ASPH: variants seen among roughly 807,000 people sequenced by gnomAD.
The protein encoded by ASPH is aspartate beta-hydroxylase.
ASPH carries 100 observed loss-of-function variants against 118.4 expected under a neutral mutation model. The ratio of observed to expected loss-of-function variants is 0.84; its 90% CI spans 0.72 to 1.00. The LOEUF is 1.00. Ranked by LOEUF, ASPH falls within the 50% of genes least tolerant of loss-of-function variation. ASPH has a pLI of 0.00. For synonymous variants in ASPH, 315 were observed against 325.6 expected (o/e 0.97, Z 0.35); for missense variants, 920 against 919.5 (o/e 1.00, Z -0.01).
chr8:61,659,495 C>T (rs17205360), intron 3 of ASPH: 1 of 152,058 alleles, frequency 6.6e-6, no homozygotes, highest in South Asian at 2.1e-4. Context: ...TAAATAGATA[C>T]ACAAAGTGAA....
rs1248810656 is a variant in ASPH at position 61,500,589 on chromosome 8, T to G, written c.*2770A>C. On this transcript the variant is annotated 3_prime_UTR_variant, in exon 25 of 25. Transcript: ENST00000379454. ...CAAAGGTCATTTTATTTACCTAGTC[T>G]CCTTAGAAATGGAGTCCCCAACTAC... 2 of 152,086 alleles carry G rather than the reference T, an allele frequency of 1.3e-5. No individual in the cohort carries two copies. Among genetic ancestry groups the G allele is most frequent in the Non-Finnish European group, 2.9e-5 (2 of 68,026 alleles). The allele number at this position is 152,086 out of a possible 1,614,324, so 9.4% of individuals were successfully genotyped here. A position where few individuals can be genotyped will look rare whatever the true frequency, so the allele number is the denominator to read the frequency against.
At chr8:61,698,224 G>A (rs945424056) in intron 1 of ASPH, among the ~76,000 whole-genome samples, 2 of 152,202 alleles carry the variant, frequency 1.3e-5, no homozygotes, top group African/African-American at 4.8e-5. Flanking sequence ...GACAGAAAAA[G>A]GCACAGAAAC....
chr8:61,615,563 T>C (rs1588123999), intron 14 of ASPH, among the ~76,000 whole-genome samples: 1 of 152,246 alleles, frequency 6.6e-6, no homozygotes, highest in South Asian at 2.1e-4. Context: ...GTACTCACTA[T>C]GTACTCAATA....
At chr8:61,626,200 T>C in intron 13 of ASPH, 1 of 1,434,670 alleles carries the variant, frequency 7.0e-7, no homozygotes. Context: ...TCACAAGATC[T>C]ATCACAGCCA....
intron 21 of ASPH, among the ~76,000 whole-genome samples, chr8:61,526,846 T>G (rs1586568086): frequency 6.6e-6 from 1 of 150,486 alleles, no homozygotes. Context: ...GAGTGGGAGG[T>G]GGGGGACAGT....
rs1393611319 is a variant in ASPH, at chr8:61,501,040, A to AAAG, written c.*2316_*2318dup. 6.6e-6 allele frequency: 1 copy of AAAG among 152,172 alleles called. No homozygotes were observed. Among genetic ancestry groups the AAAG allele is most frequent in the Non-Finnish European group, 1.5e-5 (1 of 68,020 alleles). 9.4% of individuals were successfully genotyped at this position (152,172 alleles called of 1,614,324 possible). Reference sequence around the variant, plus strand: ...TTTTATATTATACACTTGGAGAAATAAAGTTGAAACAGAATTAAAAATATT... The same window carrying AAAG: ...TTTTATATTATACACTTGGAGAAATAAAGAAGTTGAAACAGAATTAAAAATATT... On this transcript the variant is annotated 3_prime_UTR_variant, in exon 25 of 25. Coordinates refer to ENST00000379454, the MANE Select transcript of ASPH (RefSeq NM_004318.4).
chr8:61,685,880 T>C (rs916758190), intron 1 of ASPH, among the ~76,000 whole-genome samples: 21 of 151,992 alleles, frequency 1.4e-4, no homozygotes, highest in Admixed American at 1.4e-3. Flanking sequence ...GGGATTCTCC[T>C]GCTTCAGCCT....
chr8:61,604,306 G>C (rs1481243579), intron 14 of ASPH, among the ~76,000 whole-genome samples: 1 of 152,052 alleles, frequency 6.6e-6, no homozygotes, highest in Non-Finnish European at 1.5e-5. Context: ...TGGTAGTACA[G>C]AAAGAGAGAG....
At chr8:61,551,872 CT>C (rs1313878654) in intron 20 of ASPH, among the ~76,000 whole-genome samples, 1 of 152,190 alleles carries the variant, frequency 6.6e-6, no homozygotes, top group East Asian at 1.9e-4. Context: ...CCATCTTTCT[CT>C]TTAATTCTAA....
At chr8:61,599,908 C>T (rs1843481167) in intron 14 of ASPH, among the ~76,000 whole-genome samples, 2 of 152,134 alleles carry the variant, frequency 1.3e-5, no homozygotes, top group South Asian at 4.1e-4. Context: ...CTCATTCTAC[C>T]AGGACAGCAT....
intron 15 of ASPH, among the ~76,000 whole-genome samples, chr8:61,582,704 C>T (rs6471961): frequency 0.87 from 132,432 of 152,248 alleles, 57,847 homozygotes; most frequent in African/African-American, 0.91. Context: ...AATAAACATG[C>T]GGACGTACAT....
intron 14 of ASPH, among the ~76,000 whole-genome samples, chr8:61,586,191 G>GT (rs1839394895): frequency 6.6e-6 from 1 of 151,958 alleles, no homozygotes; most frequent in African/African-American, 2.4e-5. Context: ...TATTGCCTCT[G>GT]TAACTCCTTC....
chr8:61,714,555 CTG>C lies in ASPH; in HGVS notation c.-186_-185del. 1.1e-6 allele frequency: 1 copy of C among 929,918 alleles called. No individual in the cohort carries two copies. Among genetic ancestry groups the C allele is most frequent in the Non-Finnish European group, 1.4e-6 (1 of 702,204 alleles). The allele number at this position is 929,918 out of a possible 1,614,324, so 57.6% of individuals were successfully genotyped here. Reference sequence around the variant, plus strand: ...TGGGAAGACTTCACCCGCCTGCCGGCTGCGCGCGCCCGGCCTCGCGTGTACGA... The same window carrying C: ...TGGGAAGACTTCACCCGCCTGCCGGCCGCGCGCCCGGCCTCGCGTGTACGA... On this transcript the variant is annotated 5_prime_UTR_variant, in exon 1 of 25. Transcript: ENST00000379454.
Position 61,678,792 on chromosome 8 carries a change from C to G in ASPH, c.322+2176G>C, listed in dbSNP as rs916891594. On this transcript the variant is annotated intron_variant, in intron 3 of 24. Transcript: ENST00000379454. Reference sequence around the variant, plus strand: ...GATCTCCTGGGCCTTAATCTAAAACCTAAACCCTTAAAGTTTAAACTTTAC... The same window carrying G: ...GATCTCCTGGGCCTTAATCTAAAACGTAAACCCTTAAAGTTTAAACTTTAC... 5.3e-5 allele frequency among the ~76,000 whole-genome samples: 8 copies of G among 152,230 alleles called. No individual in the cohort carries two copies. In the South Asian group the frequency reaches 1.7e-3, roughly 32 times the overall value.
At chr8:61,658,574 C>T (rs1330808903) in intron 3 of ASPH, 1 of 151,934 alleles carries the variant, frequency 6.6e-6, no homozygotes, top group African/African-American at 2.4e-5. Flanking sequence ...TTGGTTTCCA[C>T]AAATGCAAAA....
At chr8:61,590,621 A>G (rs1840834731) in intron 14 of ASPH, among the ~76,000 whole-genome samples, 2 of 151,696 alleles carry the variant, frequency 1.3e-5, no homozygotes, top group South Asian at 4.1e-4. Context: ...CTGAAATGCT[A>G]TACTTATTCA....
intron 22 of ASPH, among the ~76,000 whole-genome samples, chr8:61,525,162 T>C (rs1196994522): frequency 1.3e-5 from 2 of 152,182 alleles, no homozygotes; most frequent in African/African-American, 4.8e-5. Context: ...ATTAGATGCA[T>C]ATTACAATCT....
chr8:61,701,573 C>T (rs1835253301), intron 1 of ASPH, among the ~76,000 whole-genome samples: 1 of 152,122 alleles, frequency 6.6e-6, no homozygotes, highest in South Asian at 2.1e-4. Context: ...AAACATTGGG[C>T]TATGTTTGGA....
chr8:61,687,083 C>A (rs1045595799), intron 1 of ASPH, among the ~76,000 whole-genome samples: 4 of 151,718 alleles, frequency 2.6e-5, no homozygotes, highest in African/African-American at 9.7e-5. Flanking sequence ...AAAGCAAGAC[C>A]CTTTCTTAAA....
Sources: gnomAD v4.1 joint callset for allele counts (sites outside exome capture counted in the v4.1 genomes callset) on GRCh38, gnomAD v4.1.1 for gene constraint, MANE v1.5 for transcripts, NCBI Gene and HGNC (gene_info 2026-07-23, HGNC 2026-07-21) for gene names.